The following SGK1 variants were observed in gnomAD, a reference collection of about 807,000 sequenced individuals.
The protein encoded by SGK1 is serine/threonine-protein kinase Sgk1.
In SGK1, 26 loss-of-function variants were observed where a neutral mutation model predicts 64.2. That is an observed-to-expected ratio of 0.40 (90% CI 0.30 to 0.56). SGK1 has a LOEUF of 0.56. Ranked by LOEUF, SGK1 falls within the 20% of genes least tolerant of loss-of-function variation. The pLI is 0.38. For synonymous variants in SGK1, 265 were observed against 239.7 expected (o/e 1.11, Z -0.98); for missense variants, 519 against 645.6 (o/e 0.80, Z 2.12).
chr6:134,180,284 A>G (rs1481415803), intron 3 of SGK1: 2 of 152,164 alleles, frequency 1.3e-5, no homozygotes, highest in African/African-American at 4.8e-5. Flanking sequence ...AGCAAGAAAC[A>G]AACAGATCTT....
chr6:134,294,621 G>A (rs757451805), intron 1 of SGK1, among the ~76,000 whole-genome samples: 5 of 152,040 alleles, frequency 3.3e-5, no homozygotes, highest in Non-Finnish European at 7.4e-5. Flanking sequence ...TGCAACCCTC[G>A]CCTCCAGGGT....
intron 1 of SGK1, among the ~76,000 whole-genome samples, chr6:134,275,919 A>G (rs1777010966): frequency 6.6e-6 from 1 of 152,126 alleles, no homozygotes; most frequent in South Asian, 2.1e-4. Context: ...TTGGGTATTC[A>G]TTTGTTTAAG....
intron 2 of SGK1, among the ~76,000 whole-genome samples, chr6:134,237,005 A>G (rs967849118): frequency 6.6e-6 from 1 of 151,398 alleles, no homozygotes; most frequent in Non-Finnish European, 1.5e-5. Context: ...ATAAATGAAC[A>G]CATTGTTGGG....
chr6:134,255,904 C>T (rs1776676301), intron 2 of SGK1, among the ~76,000 whole-genome samples: 14 of 151,988 alleles, frequency 9.2e-5, no homozygotes, highest in Admixed American at 9.2e-4. Flanking sequence ...CTTGAGTTGG[C>T]TATTACTAGG....
At chr6:134,276,979 G>A (rs1777027468) in intron 1 of SGK1, among the ~76,000 whole-genome samples, 1 of 152,196 alleles carries the variant, frequency 6.6e-6, no homozygotes, top group Non-Finnish European at 1.5e-5. Context: ...GAGCCCAGGA[G>A]GTTGAGGCTG....
In SGK1 at chr6:134,317,645, A is replaced by T; in HGVS notation, c.-185T>A. On this transcript the variant is annotated 5_prime_UTR_variant, in exon 1 of 14. Transcript: ENST00000367858. The stretch of plus-strand genomic sequence containing the variant: ...CCAGCTACTGCAGCAACCTCTCCCC[A>T]CTTTCAGTTGCCACCGACAGCGGCT... 3.4e-6 allele frequency: 2 copies of T among 596,328 alleles called. No individual in the cohort carries two copies. The allele number at this position is 596,328 out of a possible 1,614,324, so 36.9% of individuals were successfully genotyped here. A position where few individuals can be genotyped will look rare whatever the true frequency, so the allele number is the denominator to read the frequency against.
chr6:134,205,260 G>A (rs1372842287), intron 3 of SGK1, among the ~76,000 whole-genome samples: 1 of 152,092 alleles, frequency 6.6e-6, no homozygotes, highest in Non-Finnish European at 1.5e-5. Flanking sequence ...CCAGCAGATG[G>A]CTTGTTTATT....
intron 3 of SGK1, among the ~76,000 whole-genome samples, chr6:134,206,371 ATATATATATATATTT>A (rs1313795998): frequency 4.0e-4 from 2 of 4,974 alleles, no homozygotes; most frequent in South Asian, 9.6e-3. Flanking sequence ...ATATATATAT[ATATATATATATATTT>A]TTTTTTTTTT....
At chr6:134,196,745 C>T (rs1326449519) in intron 3 of SGK1, among the ~76,000 whole-genome samples, 1 of 152,124 alleles carries the variant, frequency 6.6e-6, no homozygotes, top group African/African-American at 2.4e-5. Context: ...TTTAAAACTT[C>T]GAGTTGAAGT....
intron 2 of SGK1, among the ~76,000 whole-genome samples, chr6:134,258,260 T>A (rs547285395): frequency 3.3e-5 from 5 of 152,086 alleles, no homozygotes; most frequent in African/African-American, 1.2e-4. Flanking sequence ...TCCACCACCA[T>A]GCTCAGCTAA....
In SGK1 at chr6:134,172,224, C is replaced by T. The variant is rs1480887123; in HGVS notation, c.1040G>A (p.Ser347Asn). 1 of 1,614,162 alleles carries T rather than the reference C, an allele frequency of 6.2e-7. No individual in the cohort carries two copies. The highest frequency in any genetic ancestry group is 1.1e-5 in the South Asian group (1 of 91,084). The change falls in exon 10 of 14, where the codon AGC (serine) becomes AAC (asparagine). Residue 347 changes from serine (S) to asparagine (N), a missense_variant. Physicochemically the swap from Ser to Asn is conservative, Grantham distance 46. Coordinates refer to ENST00000367858, the MANE Select transcript of SGK1 (RefSeq NM_001143676.3). Reference sequence around the variant, plus strand: ...CGTGCCACAGAAGGTGGATGTTGTGCTGTTGTGTTCAATGTTCTCCTTGCA... The same window carrying T: ...CGTGCCACAGAAGGTGGATGTTGTGTTGTTGTGTTCAATGTTCTCCTTGCA... ...GLCKENIEHN[S>N]TTSTFCGTPE...
chr6:134,227,229 G>C (rs1426786462), intron 2 of SGK1, among the ~76,000 whole-genome samples: 3 of 152,122 alleles, frequency 2.0e-5, no homozygotes, highest in Non-Finnish European at 2.9e-5. Context: ...CCGCCTCCCA[G>C]ATTCAAGTGA....
intron 3 of SGK1, among the ~76,000 whole-genome samples, chr6:134,183,848 A>ACCCCCCCCCCCCC (rs1562243390): frequency 5.0e-5 from 4 of 80,128 alleles, no homozygotes; most frequent in Non-Finnish European, 1.0e-4. Context: ...ACCTGTCCCC[A>ACCCCCCCCCCCCC]CCCCACCCCC....
chr6:134,264,748 T>C (rs945786008), intron 1 of SGK1, among the ~76,000 whole-genome samples: 4 of 152,004 alleles, frequency 2.6e-5, no homozygotes, highest in African/African-American at 7.2e-5. Flanking sequence ...GCTCAAGCGA[T>C]CCTCCCACCT....
intron 3 of SGK1, chr6:134,175,923 T>A: frequency 2.0e-6 from 2 of 977,032 alleles, no homozygotes; most frequent in Non-Finnish European, 2.5e-6. Flanking sequence ...GAGGGAGAGG[T>A]CAGGAATGTG....
intron 2 of SGK1, among the ~76,000 whole-genome samples, chr6:134,212,116 C>A (rs922376603): frequency 6.6e-6 from 1 of 151,404 alleles, no homozygotes; most frequent in Non-Finnish European, 1.5e-5. Context: ...TGCAGTGGTG[C>A]GATCTCGGCT....
In SGK1 at chr6:134,174,001, T is replaced by C. The variant is rs1255662922; in HGVS notation, c.513+4A>G. 6.2e-7 allele frequency: 1 copy of C among 1,608,718 alleles called. No homozygotes were observed. On this transcript the variant is annotated splice_donor_region_variant and intron_variant, in intron 5 of 13. Transcript: ENST00000367858. ...ACAGATGCACGGCACATACAAAAAC[T>C]TACTGGAGGAGAAGGGTTGGCATTC...
chr6:134,207,184 C>T (rs1395950647), intron 3 of SGK1, among the ~76,000 whole-genome samples, 172 bp downstream of exon 3: 1 of 152,128 alleles, frequency 6.6e-6, no homozygotes, highest in Non-Finnish European at 1.5e-5. Context: ...TGAGATTGCG[C>T]CACTGCCCTC....
intron 1 of SGK1, among the ~76,000 whole-genome samples, chr6:134,316,192 G>C (rs1485355729): frequency 6.6e-6 from 1 of 152,178 alleles, no homozygotes; most frequent in Non-Finnish European, 1.5e-5. Context: ...CCTCTAGCTG[G>C]GCCTGACATG....
Sources: allele counts gnomAD v4.1 joint callset (sites outside exome capture counted in the v4.1 genomes callset), GRCh38; gene constraint gnomAD v4.1.1; transcripts MANE v1.5; gene names NCBI Gene and HGNC (gene_info 2026-07-23, HGNC 2026-07-21).